Variants in ADAMTSL1 observed in about 807,000 individuals in gnomAD.
The protein encoded by ADAMTSL1 is ADAMTS like 1.
Under a neutral mutation model 201.8 loss-of-function variants are expected in ADAMTSL1, and 126 were observed. The ratio of observed to expected loss-of-function variants is 0.62; its 90% CI spans 0.54 to 0.72. ADAMTSL1 has a LOEUF of 0.72. Among genes scored for constraint, ADAMTSL1 ranks in the 30% least tolerant of loss-of-function variants. ADAMTSL1 has a pLI of 0.00. For synonymous variants in ADAMTSL1, 1,121 were observed against 903.4 expected (o/e 1.24, Z -4.32); for missense variants, 2,679 against 2,277.8 (o/e 1.18, Z -3.59).
intron 23 of ADAMTSL1, among the ~76,000 whole-genome samples, chr9:18,863,530 G>A (rs1201781471): frequency 6.6e-6 from 1 of 152,164 alleles, no homozygotes; most frequent in Non-Finnish European, 1.5e-5. Context: ...CTTATTGGGA[G>A]GTCCCAGAAA....
chr9:18,080,454 C>T (rs10738499), intron 1 of ADAMTSL1, among the ~76,000 whole-genome samples: 68,663 of 151,938 alleles, frequency 0.45, 15,615 homozygotes, highest in Non-Finnish European at 0.47. Context: ...TTTCTTAGAA[C>T]GGATGCACAA....
intron 2 of ADAMTSL1, among the ~76,000 whole-genome samples, chr9:18,427,925 G>A (rs748196167): frequency 6.6e-6 from 1 of 152,162 alleles, no homozygotes; most frequent in African/African-American, 2.4e-5. Flanking sequence ...AGAGTAAAAT[G>A]CCTCTTCCTT....
At chr9:18,719,271 C>G (rs1251183291) in intron 14 of ADAMTSL1, among the ~76,000 whole-genome samples, 1 of 152,132 alleles carries the variant, frequency 6.6e-6, no homozygotes, top group African/African-American at 2.4e-5. Flanking sequence ...AGCTCATAAA[C>G]AATTTAGAAA....
At chr9:17,951,258 T>C (rs1453607493) in intron 1 of ADAMTSL1, among the ~76,000 whole-genome samples, 1 of 152,172 alleles carries the variant, frequency 6.6e-6, no homozygotes, top group Admixed American at 6.6e-5. Flanking sequence ...TAGTTTCATA[T>C]ACTGTGCTGC....
intron 14 of ADAMTSL1, among the ~76,000 whole-genome samples, chr9:18,708,671 C>T (rs565919878): frequency 2.0e-5 from 3 of 152,130 alleles, no homozygotes; most frequent in African/African-American, 7.2e-5. Flanking sequence ...TGCTTTCATC[C>T]CCAATTTCCA....
intron 19 of ADAMTSL1, among the ~76,000 whole-genome samples, chr9:18,791,984 A>G (rs1354866181): frequency 1.3e-5 from 2 of 152,184 alleles, no homozygotes; most frequent in Non-Finnish European, 2.9e-5. Context: ...CAGTGTAACT[A>G]TAAAAACTAA....
intron 2 of ADAMTSL1, among the ~76,000 whole-genome samples, chr9:18,331,668 C>T (rs897482769): frequency 6.6e-6 from 1 of 152,110 alleles, no homozygotes; most frequent in Non-Finnish European, 1.5e-5. Context: ...AAACAATTTG[C>T]CACAAGACCC....
intron 2 of ADAMTSL1, among the ~76,000 whole-genome samples, chr9:18,346,710 C>T (rs149477267): frequency 6.8e-4 from 103 of 152,256 alleles, no homozygotes; most frequent in African/African-American, 2.4e-3. Flanking sequence ...AATGAGGAAA[C>T]TGAAGTCCAG....
At chr9:18,885,851 G>A (rs1348167933) in intron 23 of ADAMTSL1, among the ~76,000 whole-genome samples, 2 of 152,048 alleles carry the variant, frequency 1.3e-5, no homozygotes, top group Admixed American at 1.3e-4. Context: ...CCAGGCGTCG[G>A]ATAGAAGGCC....
chr9:18,377,728 G>A (rs780089412), intron 2 of ADAMTSL1, among the ~76,000 whole-genome samples: 5 of 151,974 alleles, frequency 3.3e-5, no homozygotes, highest in Non-Finnish European at 5.9e-5. Flanking sequence ...CACCACGCCC[G>A]GTTAATTTTT....
At chr9:18,703,697 C>CATACATAT (rs1266073170) in intron 13 of ADAMTSL1, among the ~76,000 whole-genome samples, 1 of 31,018 alleles carries the variant, frequency 3.2e-5, no homozygotes, top group Non-Finnish European at 6.8e-5. Context: ...TGCATGCGCA[C>CATACATAT]ATACATATAT....
At chr9:18,194,588 C>G (rs1007857911) in intron 2 of ADAMTSL1, among the ~76,000 whole-genome samples, 1 of 152,042 alleles carries the variant, frequency 6.6e-6, no homozygotes, top group African/African-American at 2.4e-5. Context: ...AAGAATCTTG[C>G]TTTCTTGCTG....
At chr9:18,726,532 T>C (rs1184896056) in intron 15 of ADAMTSL1, among the ~76,000 whole-genome samples, 1 of 151,628 alleles carries the variant, frequency 6.6e-6, no homozygotes, top group Non-Finnish European at 1.5e-5. Context: ...AAATAAGCTT[T>C]AGCAACTATC....
intron 1 of ADAMTSL1, among the ~76,000 whole-genome samples, chr9:17,978,678 A>T (rs1191143441): frequency 1.3e-5 from 2 of 152,122 alleles, no homozygotes; most frequent in African/African-American, 4.8e-5. Flanking sequence ...TTGTCTTTTA[A>T]TCTTTATATC....
chr9:18,888,456 G>A (rs1211068169), intron 24 of ADAMTSL1, among the ~76,000 whole-genome samples: 1 of 152,220 alleles, frequency 6.6e-6, no homozygotes. Flanking sequence ...AGTGCCTGCT[G>A]ATCATTCTGA....
In ADAMTSL1 at chr9:18,375,944, T is replaced by C. The variant is rs576256556; in HGVS notation, c.208-128885T>C. 6.6e-5 allele frequency among the ~76,000 whole-genome samples: 10 copies of C among 152,336 alleles called. No homozygotes were observed. The East Asian group carries it at 1.9e-3, about 29-fold the overall frequency. On this transcript the variant is annotated intron_variant, in intron 2 of 29. Transcript: ENST00000680146. ...TTACAGAGCACTGATTGGTCCATTT[T>C]ACAAACCTCTAGCTAGCCACAGAGT...
intron 1 of ADAMTSL1, among the ~76,000 whole-genome samples, chr9:17,933,154 A>G (rs1311388021): frequency 1.3e-5 from 2 of 152,162 alleles, no homozygotes; most frequent in East Asian, 1.9e-4. Flanking sequence ...AGCAGATGCC[A>G]TGCTCCCTAC....
At chr9:18,464,765 C>T (rs887714192) in intron 2 of ADAMTSL1, among the ~76,000 whole-genome samples, 1 of 152,084 alleles carries the variant, frequency 6.6e-6, no homozygotes, top group Non-Finnish European at 1.5e-5. Context: ...AAATTGAAAG[C>T]TCATTTAGCG....
intron 2 of ADAMTSL1, among the ~76,000 whole-genome samples, chr9:18,263,193 A>G (rs1378090856): frequency 6.6e-6 from 1 of 152,178 alleles, no homozygotes; most frequent in African/African-American, 2.4e-5. Context: ...ACATGATAGC[A>G]CATTTTGGAC....
Sources: gnomAD v4.1 joint callset for allele counts (sites outside exome capture counted in the v4.1 genomes callset) on GRCh38, gnomAD v4.1.1 for gene constraint, MANE v1.5 for transcripts, NCBI Gene and HGNC (gene_info 2026-07-23, HGNC 2026-07-21) for gene names.